The following SNX14 variants were observed in gnomAD, a reference collection of about 807,000 sequenced individuals.
SNX14 encodes the protein sorting nexin-14.
In SNX14, 93 loss-of-function variants were observed where a neutral mutation model predicts 133.8. That is an observed-to-expected ratio of 0.70 (90% CI 0.59 to 0.83). SNX14 has a LOEUF of 0.83. Among genes scored for constraint, SNX14 ranks in the 40% least tolerant of loss-of-function variants. The pLI is 0.00. For missense variants in SNX14, 945 were observed against 1,094.9 expected (o/e 0.86, Z 1.93); for synonymous variants, 368 against 365.6 (o/e 1.01, Z -0.07).
At chr6:85,512,038 CCT>C (rs1773022125) in intron 26 of SNX14, among the ~76,000 whole-genome samples, 1 of 152,102 alleles carries the variant, frequency 6.6e-6, no homozygotes, top group Non-Finnish European at 1.5e-5. Context: ...CTCAGGCCCC[CCT>C]GACCCCCTTG....
chr6:85,541,959 G>A, intron 15 of SNX14, 26 bp downstream of exon 15: 1 of 1,569,958 alleles, frequency 6.4e-7, no homozygotes, highest in Non-Finnish European at 8.6e-7. Flanking sequence ...GCATCAGCAA[G>A]TTCAAAAACA....
intron 1 of SNX14, among the ~76,000 whole-genome samples, chr6:85,586,262 T>C (rs930921935): frequency 1.8e-4 from 28 of 152,220 alleles, no homozygotes; most frequent in Non-Finnish European, 3.5e-4. Flanking sequence ...AGAAAGGTTT[T>C]ACATTTTTAA....
chr6:85,579,883 C>G (rs1360363678), intron 1 of SNX14, among the ~76,000 whole-genome samples: 1 of 152,170 alleles, frequency 6.6e-6, no homozygotes, highest in Non-Finnish European at 1.5e-5. Flanking sequence ...TGCTGGGGCT[C>G]AAAGCCAGTG....
intron 7 of SNX14, among the ~76,000 whole-genome samples, chr6:85,550,430 G>C (rs1407999043): frequency 6.6e-6 from 1 of 152,128 alleles, no homozygotes; most frequent in African/African-American, 2.4e-5. Flanking sequence ...TAAGGCTTTT[G>C]TTGCCAAATC....
At chr6:85,591,126 ATTT>A (rs1046422903) in intron 1 of SNX14, among the ~76,000 whole-genome samples, 1 of 152,028 alleles carries the variant, frequency 6.6e-6, no homozygotes, top group Non-Finnish European at 1.5e-5. Context: ...ATATAAAATT[ATTT>A]TTTATTTCAG....
At chr6:85,556,447 C>T (rs374206748) in intron 7 of SNX14, among the ~76,000 whole-genome samples, 123 of 149,810 alleles carry the variant, frequency 8.2e-4, no homozygotes, top group African/African-American at 2.6e-3. Context: ...GAAAGTTATG[C>T]GTACTCAAAC....
chr6:85,530,104 A>T, intron 19 of SNX14, 88 bp downstream of exon 19: 1 of 728,220 alleles, frequency 1.4e-6, no homozygotes, highest in Non-Finnish European at 2.3e-6. Context: ...TATTTCAATT[A>T]CTTAAAATAA....
intron 1 of SNX14, among the ~76,000 whole-genome samples, chr6:85,587,916 T>C (rs1375773178): frequency 6.6e-6 from 1 of 152,212 alleles, no homozygotes; most frequent in African/African-American, 2.4e-5. Context: ...TACCAAACTT[T>C]CATGAAACAG....
rs535050514 is a variant in SNX14 at position 85,523,967 on chromosome 6, G to A, written c.2107+2159C>T. ...GACTACATTTAGGCAGGCAGATCAC[G>A]AGGTCAAGAGATCGAGACCATCCTA... On this transcript the variant is annotated intron_variant, in intron 21 of 28. Coordinates refer to ENST00000314673, the MANE Select transcript of SNX14 (RefSeq NM_153816.6). Among the ~76,000 whole-genome samples the A allele has an allele frequency of 5.3e-5, 8 of 152,286 alleles. No individual in the cohort carries two copies. The South Asian group carries it at 8.3e-4, about 16-fold the overall frequency.
At chr6:85,561,764 C>T (rs997672868) in intron 6 of SNX14, among the ~76,000 whole-genome samples, 1 of 151,358 alleles carries the variant, frequency 6.6e-6, no homozygotes, top group African/African-American at 2.4e-5. Flanking sequence ...ACTTTGTTTT[C>T]AAAGTAGAAA....
intron 14 of SNX14, 125 bp from the exon 15 acceptor site, chr6:85,542,168 G>T: frequency 1.8e-6 from 1 of 570,988 alleles, no homozygotes; most frequent in East Asian, 3.2e-5. Flanking sequence ...AGTGAATACA[G>T]ACATGGTCAA....
intron 1 of SNX14, chr6:85,589,139 C>T (rs189800671): frequency 9.1e-6 from 2 of 219,244 alleles, no homozygotes; most frequent in East Asian, 2.1e-4. Context: ...AAAGAAGGGT[C>T]CATGTGATAA....
intron 2 of SNX14, among the ~76,000 whole-genome samples, chr6:85,572,892 G>C (rs958733953): frequency 1.3e-5 from 2 of 152,178 alleles, no homozygotes; most frequent in Non-Finnish European, 2.9e-5. Flanking sequence ...TCAGGAGTTT[G>C]AGGCTGCAGT....
At chr6:85,527,741 A>G (rs1778955055) in intron 20 of SNX14, among the ~76,000 whole-genome samples, 1 of 152,146 alleles carries the variant, frequency 6.6e-6, no homozygotes, top group Non-Finnish European at 1.5e-5. Context: ...ACGTGCACAC[A>G]CTGAGAAAAA....
At chr6:85,550,537 C>G (rs1448817669) in intron 7 of SNX14, among the ~76,000 whole-genome samples, 2 of 152,048 alleles carry the variant, frequency 1.3e-5, no homozygotes, top group African/African-American at 2.4e-5. Flanking sequence ...GCTCCGTCAC[C>G]CAGGCTGGAG....
intron 20 of SNX14, among the ~76,000 whole-genome samples, chr6:85,526,455 C>T (rs933497073): frequency 3.3e-5 from 5 of 152,168 alleles, no homozygotes; most frequent in Non-Finnish European, 7.3e-5. Context: ...GGCTCTTCCA[C>T]ATGCTAGCTA....
At chr6:85,555,368 G>C (rs1442728558) in intron 7 of SNX14, among the ~76,000 whole-genome samples, 1 of 152,182 alleles carries the variant, frequency 6.6e-6, no homozygotes, top group African/African-American at 2.4e-5. Context: ...ACAAAGTGCG[G>C]TATATCCGTA....
At chr6:85,532,823 C>T (rs1459710609) in intron 18 of SNX14, among the ~76,000 whole-genome samples, 1 of 152,164 alleles carries the variant, frequency 6.6e-6, no homozygotes, top group Non-Finnish European at 1.5e-5. Flanking sequence ...CTATACCTGA[C>T]ATAACCGAAA....
Position 85,538,837 on chromosome 6 carries a change from C to A in SNX14, c.1475+1G>T, listed in dbSNP as rs769798274. 1.3e-5 allele frequency: 20 copies of A among 1,595,086 alleles called. No homozygotes were observed. The highest frequency in any genetic ancestry group is 1.7e-5 in the Non-Finnish European group (20 of 1,172,502). Reference sequence around the variant, plus strand: ...AAAAGAATCACATGCTCAAGACTTACCGAAAATCATCCAAACTTAGGCTAC... The same window carrying A: ...AAAAGAATCACATGCTCAAGACTTAACGAAAATCATCCAAACTTAGGCTAC... On this transcript the variant is annotated splice_donor_variant, in intron 16 of 28. Coordinates refer to ENST00000314673, the MANE Select transcript of SNX14 (RefSeq NM_153816.6). LOFTEE classifies it high-confidence loss of function.
Sources: allele counts gnomAD v4.1 joint callset (sites outside exome capture counted in the v4.1 genomes callset), GRCh38; gene constraint gnomAD v4.1.1; transcripts MANE v1.5; gene names NCBI Gene and HGNC (gene_info 2026-07-23, HGNC 2026-07-21).